The following PKP4 variants were observed in gnomAD, a reference collection of about 807,000 sequenced individuals.
The protein encoded by PKP4 is plakophilin-4.
A neutral mutation model predicts 145.1 loss-of-function variants in PKP4; 90 were observed. The observed-to-expected ratio is 0.62, with a 90% CI of 0.52 to 0.74. The LOEUF (loss-of-function observed/expected upper bound fraction) is 0.74, where lower values mean the gene tolerates loss of function less well. PKP4 is among the 30% of genes least tolerant of loss of function. PKP4 has a pLI of 0.00. For missense variants in PKP4, 1,340 were observed against 1,482.7 expected, an observed-to-expected ratio of 0.90 and a Z score of 1.58; for synonymous variants, 563 against 577.2, an observed-to-expected ratio of 0.98 and a Z score of 0.35.
At chr2:158,476,305 T>TG (rs1408250369) in intron 1 of PKP4, among the ~76,000 whole-genome samples, 1 of 152,144 alleles carries the variant, frequency 6.6e-6, no homozygotes, top group Non-Finnish European at 1.5e-5. Context: ...ACTTTTGAAT[T>TG]GGGGGCTCAT....
intron 4 of PKP4, among the ~76,000 whole-genome samples, chr2:158,611,421 A>G (rs1373448264): frequency 6.6e-6 from 1 of 152,246 alleles, no homozygotes; most frequent in Non-Finnish European, 1.5e-5. Context: ...ATGTATAGAT[A>G]CAAGTTTCTT....
chr2:158,567,639 G>A lies in PKP4; in HGVS notation c.133-9632G>A, dbSNP rs116392177. 8.3e-3 allele frequency among the ~76,000 whole-genome samples: 1,262 copies of A among 152,278 alleles called. 21 individuals are homozygous for A. Among genetic ancestry groups the A allele is most frequent in the African/African-American group, 0.029 (1,199 of 41,560 alleles). On this transcript the variant is annotated intron_variant, in intron 2 of 21. Transcript: ENST00000389759. ...CATGAAGAAATACTTGGCACTTAGC[G>A]TAGAGCCTGGAGCCCAGTAAACCTT...
At chr2:158,627,993 T>A (rs1248837397) in intron 7 of PKP4, among the ~76,000 whole-genome samples, 1 of 151,768 alleles carries the variant, frequency 6.6e-6, no homozygotes, top group African/African-American at 2.4e-5. Context: ...TTTTTTTATT[T>A]TTTTTTGAGA....
At chr2:158,653,423 A>G (rs908728143) in intron 11 of PKP4, among the ~76,000 whole-genome samples, 1 of 152,208 alleles carries the variant, frequency 6.6e-6, no homozygotes, top group African/African-American at 2.4e-5. Flanking sequence ...TTTATGTGAA[A>G]TGGTATTTTA....
At chr2:158,518,529 CT>C (rs1225969908) in intron 1 of PKP4, among the ~76,000 whole-genome samples, 2 of 152,192 alleles carry the variant, frequency 1.3e-5, no homozygotes, top group Non-Finnish European at 2.9e-5. Context: ...TGTCATTTCA[CT>C]TTTATCAGCT....
chr2:158,651,566 C>T (rs1042894610), intron 11 of PKP4, among the ~76,000 whole-genome samples: 2 of 152,002 alleles, frequency 1.3e-5, no homozygotes, highest in Non-Finnish European at 2.9e-5. Flanking sequence ...TGCTTCTTTC[C>T]CAGGCTATAT....
chr2:158,571,341 G>A (rs949483268), intron 2 of PKP4, among the ~76,000 whole-genome samples: 1 of 152,196 alleles, frequency 6.6e-6, no homozygotes, highest in East Asian at 1.9e-4. Context: ...TATCAAGAAT[G>A]TAAGGGGGCT....
intron 1 of PKP4, among the ~76,000 whole-genome samples, chr2:158,473,086 T>C (rs908759789): frequency 6.6e-6 from 1 of 152,122 alleles, no homozygotes; most frequent in Non-Finnish European, 1.5e-5. Flanking sequence ...ATTAGACAAA[T>C]GCAAATCAAA....
At chr2:158,672,579 C>T (rs991385482) in intron 17 of PKP4, among the ~76,000 whole-genome samples, 2 of 152,178 alleles carry the variant, frequency 1.3e-5, no homozygotes, top group Admixed American at 1.3e-4. Context: ...GCCCTGCTCC[C>T]CCAAATCTGT....
At chr2:158,629,798 G>A (rs1318944526) in intron 7 of PKP4, among the ~76,000 whole-genome samples, 3 of 151,746 alleles carry the variant, frequency 2.0e-5, no homozygotes, top group African/African-American at 7.3e-5. Context: ...GCAACCTCCC[G>A]CCCCCAGATT....
chr2:158,556,841 G>A (rs893779200), intron 2 of PKP4, among the ~76,000 whole-genome samples: 3 of 152,176 alleles, frequency 2.0e-5, no homozygotes, highest in Non-Finnish European at 2.9e-5. Context: ...AGATGATCAC[G>A]TCAGAGTAAA....
At chr2:158,612,115 G>GCACA (rs756189075) in intron 4 of PKP4, among the ~76,000 whole-genome samples, 7 of 148,222 alleles carry the variant, frequency 4.7e-5, no homozygotes, top group South Asian at 4.3e-4. Context: ...CTACACAACT[G>GCACA]CACACACACA....
At chr2:158,610,071 C>T (rs1206582621) in intron 4 of PKP4, among the ~76,000 whole-genome samples, 1 of 152,182 alleles carries the variant, frequency 6.6e-6, no homozygotes, top group Non-Finnish European at 1.5e-5. Context: ...CCTTTCTCTT[C>T]ATTATTCTGT....
intron 2 of PKP4, among the ~76,000 whole-genome samples, chr2:158,564,239 C>G (rs922925560): frequency 1.3e-5 from 2 of 152,168 alleles, no homozygotes; most frequent in East Asian, 3.9e-4. Flanking sequence ...TTCAAACAAA[C>G]CTATGTAGGC....
chr2:158,640,535 A>G (rs1355277855), intron 9 of PKP4, 92 bp from the exon 10 acceptor site: 3 of 1,391,106 alleles, frequency 2.2e-6, no homozygotes, highest in African/African-American at 2.9e-5. Context: ...TTTTTGTCTC[A>G]GCTGAGCTTT....
chr2:158,618,771 G>A (rs1345913633), intron 4 of PKP4, among the ~76,000 whole-genome samples: 1 of 151,682 alleles, frequency 6.6e-6, no homozygotes, highest in Non-Finnish European at 1.5e-5. Flanking sequence ...TTTTTAAAAA[G>A]TGGGTGGGCA....
At chr2:158,499,196 A>C (rs938535666) in intron 1 of PKP4, among the ~76,000 whole-genome samples, 1 of 152,160 alleles carries the variant, frequency 6.6e-6, no homozygotes, top group Admixed American at 6.5e-5. Context: ...TGTTAAATAC[A>C]TAAGATAAAA....
chr2:158,491,627 T>C (rs1032719714), intron 1 of PKP4, among the ~76,000 whole-genome samples: 30 of 152,170 alleles, frequency 2.0e-4, no homozygotes, highest in African/African-American at 7.0e-4. Context: ...CAAAAGTCTT[T>C]AATATCCCAC....
At chr2:158,489,692 T>C (rs1694667620) in intron 1 of PKP4, among the ~76,000 whole-genome samples, 3 of 152,252 alleles carry the variant, frequency 2.0e-5, no homozygotes, top group Non-Finnish European at 2.9e-5. Context: ...ACTCACTTGC[T>C]GCATTTAAAC....
Sources: allele counts gnomAD v4.1 joint callset (sites outside exome capture counted in the v4.1 genomes callset), GRCh38; gene constraint gnomAD v4.1.1; transcripts MANE v1.5; gene names NCBI Gene and HGNC (gene_info 2026-07-23, HGNC 2026-07-21).